Variants in PDE1C observed in about 807,000 individuals in gnomAD.
PDE1C encodes phosphodiesterase 1C.
Under a neutral mutation model 93.1 loss-of-function variants are expected in PDE1C, and 62 were observed. The observed-to-expected ratio is 0.67, with a 90% CI of 0.54 to 0.82. The LOEUF (loss-of-function observed/expected upper bound fraction) is 0.82. Ranked by LOEUF, PDE1C falls within the 40% of genes least tolerant of loss-of-function variation. The pLI is 0.00. For synonymous variants in PDE1C, 325 were observed against 310.1 expected, an observed-to-expected ratio of 1.05 and a Z score of -0.50; for missense variants, 742 against 884.6, an observed-to-expected ratio of 0.84 and a Z score of 2.04.
At chr7:32,404,276 TA>T (rs1200778105) in intron 1 of PDE1C, among the ~76,000 whole-genome samples, 1 of 152,236 alleles carries the variant, frequency 6.6e-6, no homozygotes, top group Non-Finnish European at 1.5e-5. Flanking sequence ...GAGCAAGCCA[TA>T]AATGAATGGA....
intron 2 of PDE1C, among the ~76,000 whole-genome samples, chr7:31,951,138 G>A (rs1257312008): frequency 6.6e-6 from 1 of 152,104 alleles, no homozygotes; most frequent in Non-Finnish European, 1.5e-5. Context: ...CCCATTCGAT[G>A]AGGATCCTAC....
the PDE1C span, among the ~76,000 whole-genome samples, chr7:31,681,291 C>T: frequency 6.6e-6 from 1 of 152,068 alleles, no homozygotes; most frequent in East Asian, 1.9e-4. Flanking sequence ...ACTTTATTCA[C>T]CATTTTATCT....
chr7:31,708,199 T>C, the PDE1C span: 1 of 152,208 alleles, frequency 6.6e-6, no homozygotes, highest in Non-Finnish European at 1.5e-5. Flanking sequence ...CTGTATATTG[T>C]CCTTGCCCCA....
the PDE1C span, among the ~76,000 whole-genome samples, chr7:31,625,461 T>C: frequency 6.6e-6 from 1 of 152,290 alleles, no homozygotes; most frequent in South Asian, 2.1e-4. Context: ...GATGAGTTCA[T>C]GTCCTTTGTA....
intron 15 of PDE1C, among the ~76,000 whole-genome samples, chr7:31,811,084 G>C (rs1787487198): frequency 6.6e-6 from 1 of 152,064 alleles, no homozygotes; most frequent in East Asian, 1.9e-4. Context: ...ATTCCCATGT[G>C]TTGTGGGAGG....
the PDE1C span, among the ~76,000 whole-genome samples, chr7:31,664,111 C>T: frequency 6.6e-6 from 1 of 152,160 alleles, no homozygotes. Context: ...TTGTCTAACT[C>T]CAGAACCAAA....
At chr7:31,642,219 C>A in the PDE1C span, 3 of 1,560,044 alleles carry the variant, frequency 1.9e-6, no homozygotes, top group Non-Finnish European at 2.6e-6. Context: ...CTGACAGCAG[C>A]GGGTTCCTGG....
intron 1 of PDE1C, among the ~76,000 whole-genome samples, chr7:32,326,158 G>A (rs1387715638): frequency 6.6e-6 from 1 of 152,170 alleles, no homozygotes; most frequent in Non-Finnish European, 1.5e-5. Flanking sequence ...AAAAGGCTTT[G>A]GAGAGGCAAA....
the PDE1C span, among the ~76,000 whole-genome samples, chr7:31,628,470 T>C: frequency 2.0e-5 from 3 of 151,602 alleles, 1 homozygote; most frequent in South Asian, 4.2e-4. Flanking sequence ...TCTTTTTTTT[T>C]CTTTTTTTGA....
At chr7:31,808,236 G>C (rs756692406) in intron 16 of PDE1C, 1 of 458,798 alleles carries the variant, frequency 2.2e-6, no homozygotes, top group Non-Finnish European at 4.2e-6. Flanking sequence ...ATGTCTCCAG[G>C]GAGGTATGAT....
intron 1 of PDE1C, among the ~76,000 whole-genome samples, chr7:32,397,970 C>T (rs997929992): frequency 1.3e-5 from 2 of 151,758 alleles, no homozygotes; most frequent in Non-Finnish European, 1.5e-5. Flanking sequence ...CTGGCTAACA[C>T]AGTGACACCC....
intron 1 of PDE1C, among the ~76,000 whole-genome samples, chr7:32,343,190 T>C (rs1374309380): frequency 6.6e-6 from 1 of 152,194 alleles, no homozygotes; most frequent in Non-Finnish European, 1.5e-5. Context: ...ATCTGCCCCA[T>C]CAGCATCAAG....
At chr7:32,132,901 C>A (rs989175815) in intron 3 of PDE1C, among the ~76,000 whole-genome samples, 1 of 151,998 alleles carries the variant, frequency 6.6e-6, no homozygotes, top group African/African-American at 2.4e-5. Context: ...TGTGATAAAA[C>A]AAATCAAGAA....
intron 3 of PDE1C, among the ~76,000 whole-genome samples, chr7:32,089,295 G>T (rs949876622): frequency 2.6e-5 from 4 of 152,080 alleles, no homozygotes; most frequent in Non-Finnish European, 5.9e-5. Flanking sequence ...CTCAATCAAG[G>T]TCATATAGTA....
chr7:31,632,016 G>T, the PDE1C span, among the ~76,000 whole-genome samples: 17 of 152,234 alleles, frequency 1.1e-4, no homozygotes, highest in Non-Finnish European at 1.6e-4. Context: ...AGGAATGAAG[G>T]CTTCCAGTAG....
At chr7:32,224,216 T>G (rs899285920) in intron 1 of PDE1C, among the ~76,000 whole-genome samples, 10 of 152,112 alleles carry the variant, frequency 6.6e-5, no homozygotes, top group Non-Finnish European at 1.3e-4. Context: ...CTACTAAAAT[T>G]ACAAAAATTA....
upstream of PDE1C, chr7:32,070,806 G>A (rs1795968116): frequency 1.0e-6 from 1 of 992,682 alleles, no homozygotes; most frequent in Non-Finnish European, 1.2e-6. Flanking sequence ...GGGCTGGGTG[G>A]GGAGGAGAGA....
chr7:31,926,121 A>G (rs1475711471), intron 2 of PDE1C, among the ~76,000 whole-genome samples: 1 of 152,116 alleles, frequency 6.6e-6, no homozygotes, highest in African/African-American at 2.4e-5. Context: ...TATTTACCCT[A>G]CACACGTCTG....
intron 2 of PDE1C, among the ~76,000 whole-genome samples, chr7:32,029,962 G>A (rs547405076): frequency 4.6e-5 from 7 of 151,990 alleles, no homozygotes; most frequent in South Asian, 2.1e-4. Context: ...CCAATTAACC[G>A]TGATTTAGCC....
Sources: allele counts gnomAD v4.1 joint callset (sites outside exome capture counted in the v4.1 genomes callset), GRCh38; gene constraint gnomAD v4.1.1; transcripts MANE v1.5; gene names NCBI Gene and HGNC (gene_info 2026-07-23, HGNC 2026-07-21).